PGAP4: variants seen among roughly 807,000 people sequenced by gnomAD.
PGAP4 encodes the protein post-GPI attachment to proteins GalNAc transferase 4.
In PGAP4, 12 loss-of-function variants were observed where a neutral mutation model predicts 28.2. That is an observed-to-expected ratio of 0.42 (90% CI 0.27 to 0.69). The LOEUF is 0.69. Ranked by LOEUF, PGAP4 falls within the 30% of genes least tolerant of loss-of-function variation. The probability of loss-of-function intolerance (pLI) is 0.22; values close to 1 mark genes in which losing one functional copy is unlikely to be tolerated. For missense variants in PGAP4, 425 were observed against 513.5 expected (o/e 0.83, Z 1.67); for synonymous variants, 205 against 211.8 (o/e 0.97, Z 0.28).
chr9:101,528,526 C>T (rs371423021), intron 2 of PGAP4, among the ~76,000 whole-genome samples: 138 of 152,256 alleles, frequency 9.1e-4, no homozygotes, highest in African/African-American at 3.1e-3. Context: ...GTACCCCCAT[C>T]CCCAACGCCT....
At chr9:101,509,303 C>A (rs7862333) in intron 2 of PGAP4, among the ~76,000 whole-genome samples, 131 of 152,236 alleles carry the variant, frequency 8.6e-4, no homozygotes, top group African/African-American at 2.9e-3. Context: ...ACTAGTGGCC[C>A]CCATAATTTT....
rs962960183 is a variant in PGAP4, at chr9:101,476,950, T to C, written c.143A>G (p.His48Arg). 6.2e-7 allele frequency: 1 copy of C among 1,613,844 alleles called. No individual in the cohort carries two copies. The highest frequency in any genetic ancestry group is 1.3e-5 in the African/African-American group (1 of 74,918). ...CCAATGGCGCAGATAGAAGTAAGAGTGTAGAAGTCGGTGACAGGCCAGGGG... is the reference window on the plus strand; with the variant it reads ...CCAATGGCGCAGATAGAAGTAAGAGCGTAGAAGTCGGTGACAGGCCAGGGG... The part of the protein sequence containing the change: ...LAPLACHRLL[H>R]SYFYLRHWHL... Residue 48 changes from histidine to arginine, a missense_variant, in exon 2 of 2, where the codon CAC becomes CGC. By Grantham distance (29) the His-to-Arg change is conservative. Transcript: ENST00000374848. The surrounding 1 kb of genome is among the most constrained non-coding windows in gnomAD (Gnocchi z 7.0).
intron 2 of PGAP4, among the ~76,000 whole-genome samples, chr9:101,506,647 C>A (rs183684686): frequency 1.3e-5 from 2 of 151,974 alleles, no homozygotes; most frequent in Non-Finnish European, 2.9e-5. Context: ...CTGACTTAAC[C>A]GAGAAACTCA....
At chr9:101,504,176 G>GTTTTTTA (rs201242260) in intron 2 of PGAP4, among the ~76,000 whole-genome samples, 4,983 of 40,512 alleles carry the variant, frequency 0.12, 156 homozygotes, top group Admixed American at 0.19. Flanking sequence ...TCTGCTTTCT[G>GTTTTTTA]TTTTTTATTT....
intron 2 of PGAP4, among the ~76,000 whole-genome samples, chr9:101,516,318 T>C (rs1826943360): frequency 1.3e-5 from 2 of 152,172 alleles, no homozygotes; most frequent in African/African-American, 4.8e-5. Flanking sequence ...TCTCAGAATC[T>C]GAGTGCAGAT....
chr9:101,481,497 T>A (rs1191768486), intron 1 of PGAP4: 1 of 152,236 alleles, frequency 6.6e-6, no homozygotes. Context: ...ACATATCCAG[T>A]TCTTATCTAT....
chr9:101,514,025 C>G (rs941355270), intron 2 of PGAP4, among the ~76,000 whole-genome samples: 15 of 146,356 alleles, frequency 1.0e-4, no homozygotes, highest in African/African-American at 3.5e-4. Flanking sequence ...TTTTTTTGTT[C>G]TATTCAGGCC....
At chr9:101,492,515 G>A (rs1826700049) in intron 2 of PGAP4, among the ~76,000 whole-genome samples, 1 of 151,996 alleles carries the variant, frequency 6.6e-6, no homozygotes, top group Admixed American at 6.6e-5. Flanking sequence ...CTTTTTCTTT[G>A]CACATCTAAT....
intron 2 of PGAP4, among the ~76,000 whole-genome samples, chr9:101,495,019 G>A (rs967408934): frequency 1.4e-5 from 2 of 145,614 alleles, no homozygotes; most frequent in African/African-American, 2.5e-5. Context: ...TATAATTTTT[G>A]GAACATTTAT....
chr9:101,491,332 G>C (rs1826686829), upstream of PGAP4, among the ~76,000 whole-genome samples: 1 of 152,108 alleles, frequency 6.6e-6, no homozygotes, highest in East Asian at 1.9e-4. Context: ...CCAGCTAGCT[G>C]GTTGGTTCTT....
chr9:101,528,978 C>T (rs538594416), intron 2 of PGAP4, among the ~76,000 whole-genome samples: 1 of 149,012 alleles, frequency 6.7e-6, no homozygotes, highest in East Asian at 2.0e-4. Flanking sequence ...TGTTGCTCCT[C>T]TCTCTCTCTC....
exon 1 of PGAP4, chr9:101,532,955 C>T (rs905259236): frequency 6.6e-6 from 1 of 152,130 alleles, no homozygotes; most frequent in Non-Finnish European, 1.5e-5. Context: ...CATTTCTAGA[C>T]CCTTAGCTGA....
rs537564993 is a variant in PGAP4, at chr9:101,519,870, C to G, written c.-165+11478G>C. Among the ~76,000 whole-genome samples the G allele has an allele frequency of 1.4e-4, 22 of 152,178 alleles. No individual in the cohort carries two copies. In the South Asian group the frequency reaches 4.1e-3, roughly 29 times the overall value. ...TGGTTTCAGGTCTTAGGTTTAAGAG[C>G]TTAATCCATCTTGGGTTGATTTTGT... On this transcript the variant is annotated intron_variant, in intron 2 of 3. Transcript: ENST00000374851.
At chr9:101,477,742 A>G (rs569796769) in intron 1 of PGAP4, among the ~76,000 whole-genome samples, 1 of 152,264 alleles carries the variant, frequency 6.6e-6, no homozygotes, top group Admixed American at 6.5e-5. Flanking sequence ...ATCTCACACA[A>G]CTATACTTAA....
intron 2 of PGAP4, among the ~76,000 whole-genome samples, chr9:101,527,827 C>T (rs1003274993): frequency 2.6e-5 from 4 of 152,152 alleles, no homozygotes; most frequent in Admixed American, 1.3e-4. Context: ...TGTTGTTTTG[C>T]TAATATTAAG....
rs1473142188 is a variant in PGAP4, at chr9:101,476,382, G to C, written c.711C>G (p.Leu237=). The change falls in exon 2 of 2, where the codon CTC becomes CTG. Residue 237 remains leucine (L), a synonymous_variant. Coordinates refer to ENST00000374848, the MANE Select transcript of PGAP4 (RefSeq NM_032342.3). This position sits in a 1 kb window ranked among gnomAD's most constrained non-coding sequence, Gnocchi z 7.0. ...LLRARFSEPH[L]RDALYLKLYH... is the part of the protein sequence containing the mutation. ...ACAGCTTGAGATAAAGGGCATCTCTGAGATGTGGCTCAGAGAAGCGAGCCC... is the reference window on the plus strand; with the variant it reads ...ACAGCTTGAGATAAAGGGCATCTCTCAGATGTGGCTCAGAGAAGCGAGCCC... 9 of 1,613,980 alleles carry C rather than the reference G, an allele frequency of 5.6e-6. No homozygotes were observed. The African/African-American group carries it at 1.2e-4, about 22-fold the overall frequency.
chr9:101,506,320 T>C (rs540401246), intron 2 of PGAP4, among the ~76,000 whole-genome samples: 32 of 152,228 alleles, frequency 2.1e-4, no homozygotes, highest in African/African-American at 7.7e-4. Context: ...CACCCCACTT[T>C]TACAAGATAG....
rs544581397 is a variant in PGAP4, at chr9:101,479,322, C to T, written c.-77-2153G>A. ...TATTGGCCTTGGAAAAGGAGGCATT[C>T]GAGTGGATTTCTGCTCATACTATTA... On this transcript the variant is annotated intron_variant, in intron 1 of 1. Coordinates refer to ENST00000374848, the MANE Select transcript of PGAP4 (RefSeq NM_032342.3). 2.0e-5 allele frequency among the ~76,000 whole-genome samples: 3 copies of T among 152,320 alleles called. No homozygotes were observed. In the South Asian group the frequency reaches 6.2e-4, roughly 32 times the overall value.
intron 2 of PGAP4, among the ~76,000 whole-genome samples, chr9:101,493,346 T>A (rs148880190): frequency 6.6e-6 from 1 of 152,188 alleles, no homozygotes; most frequent in Non-Finnish European, 1.5e-5. Context: ...CTCTGCCTTT[T>A]ATTTGTTGGC....
Sources: allele counts gnomAD v4.1 joint callset (sites outside exome capture counted in the v4.1 genomes callset), GRCh38; gene constraint gnomAD v4.1.1; non-coding constraint Gnocchi (gnomAD v3.1); transcripts MANE v1.5; gene names NCBI Gene and HGNC (gene_info 2026-07-23, HGNC 2026-07-21).